Variants in ZFAT observed in about 807,000 individuals in gnomAD.
ZFAT encodes zinc finger and AT-hook domain containing, also known as zinc finger protein ZFAT.
A neutral mutation model predicts 117.7 loss-of-function variants in ZFAT; 64 were observed. That is an observed-to-expected ratio of 0.54 (90% CI 0.44 to 0.67). The LOEUF is 0.67. ZFAT is among the 30% of genes least tolerant of loss of function. ZFAT has a pLI of 0.00. For missense variants in ZFAT, 1,433 were observed against 1,584.5 expected, an observed-to-expected ratio of 0.90 and a Z score of 1.62; for synonymous variants, 679 against 615.0, an observed-to-expected ratio of 1.10 and a Z score of -1.54.
the ZFAT span, among the ~76,000 whole-genome samples, chr8:134,789,408 C>T: frequency 1.7e-4 from 26 of 152,218 alleles, no homozygotes; most frequent in African/African-American, 5.5e-4. Flanking sequence ...TTTATTCCTG[C>T]ATTCCAGGAT....
the ZFAT span, chr8:134,796,411 G>A: frequency 6.6e-6 from 1 of 152,208 alleles, no homozygotes; most frequent in African/African-American, 2.4e-5. Context: ...GTATCCACTG[G>A]AGAATCTGCA....
chr8:134,565,230 G>A, intron 11 of ZFAT, 103 bp downstream of exon 11: 1 of 1,573,936 alleles, frequency 6.4e-7, no homozygotes, highest in Non-Finnish European at 8.6e-7. Flanking sequence ...CCAAAGCGAA[G>A]GTAAAACCAA....
At chr8:134,545,026 A>C (rs867602003) in intron 11 of ZFAT, among the ~76,000 whole-genome samples, 4 of 152,206 alleles carry the variant, frequency 2.6e-5, no homozygotes, top group African/African-American at 9.6e-5. Context: ...CTGAGCTCAT[A>C]AAAGCAACAA....
intron 15 of ZFAT, among the ~76,000 whole-genome samples, chr8:134,493,112 C>A (rs1001232799): frequency 1.3e-5 from 2 of 152,214 alleles, no homozygotes; most frequent in African/African-American, 4.8e-5. Context: ...AGGTATCAAT[C>A]CCATGCACAG....
chr8:134,777,163 A>T, the ZFAT span, among the ~76,000 whole-genome samples: 12 of 152,124 alleles, frequency 7.9e-5, no homozygotes, highest in East Asian at 1.9e-3. Flanking sequence ...GATTTTGCAA[A>T]TTTTTTGTGA....
chr8:134,539,736 A>G (rs1266824582), intron 11 of ZFAT, among the ~76,000 whole-genome samples: 1 of 152,204 alleles, frequency 6.6e-6, no homozygotes, highest in African/African-American at 2.4e-5. Flanking sequence ...TGCTGATAGA[A>G]GTGGTGTTTT....
intron 1 of ZFAT, among the ~76,000 whole-genome samples, chr8:134,682,381 C>T (rs1833110581): frequency 6.6e-6 from 1 of 152,228 alleles, no homozygotes; most frequent in Admixed American, 6.5e-5. Flanking sequence ...TCTGGCCGGG[C>T]ACGGTGGCTC....
the ZFAT span, among the ~76,000 whole-genome samples, chr8:134,761,665 A>C: frequency 8.6e-5 from 13 of 151,928 alleles, no homozygotes; most frequent in African/African-American, 3.1e-4. Context: ...GTGCCACTGC[A>C]CTCCAGCCTG....
intron 11 of ZFAT, among the ~76,000 whole-genome samples, chr8:134,541,980 C>G (rs1822290895): frequency 6.6e-6 from 1 of 152,206 alleles, no homozygotes; most frequent in Non-Finnish European, 1.5e-5. Flanking sequence ...GTGTTTACAT[C>G]TTACCTCCTC....
intron 15 of ZFAT, among the ~76,000 whole-genome samples, chr8:134,489,405 C>T (rs72735747): frequency 0.16 from 24,517 of 152,110 alleles, 2,221 homozygotes; most frequent in Admixed American, 0.26. Context: ...TTCCAGAGTG[C>T]AGTGACTGCC....
the ZFAT span, among the ~76,000 whole-genome samples, chr8:134,783,533 T>C: frequency 6.6e-6 from 1 of 152,118 alleles, no homozygotes; most frequent in Admixed American, 6.5e-5. Flanking sequence ...GCCAAAAAGG[T>C]TGGGGACTGT....
chr8:134,761,067 C>T, the ZFAT span, among the ~76,000 whole-genome samples: 1 of 152,164 alleles, frequency 6.6e-6, no homozygotes, highest in Non-Finnish European at 1.5e-5. Flanking sequence ...TAGCAGATGT[C>T]AACAATGCAC....
intron 14 of ZFAT, among the ~76,000 whole-genome samples, chr8:134,511,698 G>A (rs1251625744): frequency 1.3e-5 from 2 of 152,144 alleles, no homozygotes; most frequent in African/African-American, 4.8e-5. Flanking sequence ...ATTAACTTGT[G>A]TTCTGTTCAT....
the ZFAT span, chr8:134,796,702 A>G: frequency 1.3e-5 from 2 of 152,328 alleles, no homozygotes; most frequent in East Asian, 3.9e-4. Context: ...CTTTGGCCAC[A>G]AAGATGAATA....
chr8:134,684,175 G>C (rs1833205190), intron 1 of ZFAT, among the ~76,000 whole-genome samples: 1 of 152,084 alleles, frequency 6.6e-6, no homozygotes, highest in South Asian at 2.1e-4. Flanking sequence ...AGACGACCCA[G>C]CACCTTCTGC....
chr8:134,521,103 T>C lies in ZFAT; in HGVS notation c.3116-102A>G. The C allele has an allele frequency of 2.5e-6, 2 of 795,838 alleles. 1 individual carries two copies. The highest frequency in any genetic ancestry group is 3.5e-5 in the South Asian group (2 of 57,564). The allele number at this position is 795,838 out of a possible 1,614,324, so 49.3% of individuals were successfully genotyped here. The stretch of plus-strand genomic sequence containing the variant: ...AATGCTTCAAATCTAGTAAGTATTA[T>C]TTTGTCTCCAGCACTTGTATTCAAT... On this transcript the variant is annotated intron_variant, in intron 12 of 15. Transcript: ENST00000377838.
At chr8:134,557,581 T>C (rs886653744) in intron 11 of ZFAT, among the ~76,000 whole-genome samples, 3 of 152,200 alleles carry the variant, frequency 2.0e-5, no homozygotes, top group Non-Finnish European at 2.9e-5. Context: ...TATAGTCACA[T>C]TTTTTTCTAT....
chr8:134,756,575 G>A, the ZFAT span, among the ~76,000 whole-genome samples: 5 of 152,270 alleles, frequency 3.3e-5, no homozygotes, highest in East Asian at 1.9e-4. Context: ...CTTCAGGTCC[G>A]GTGCCCTGTC....
At chr8:134,615,564 T>C (rs574204974) in intron 3 of ZFAT, among the ~76,000 whole-genome samples, 2 of 152,226 alleles carry the variant, frequency 1.3e-5, no homozygotes, top group African/African-American at 4.8e-5. Flanking sequence ...GCATTGCTCC[T>C]TCCCTGTCTC....
Sources: gnomAD v4.1 joint callset for allele counts (sites outside exome capture counted in the v4.1 genomes callset) on GRCh38, gnomAD v4.1.1 for gene constraint, MANE v1.5 for transcripts, NCBI Gene and HGNC (gene_info 2026-07-23, HGNC 2026-07-21) for gene names.